L3MBTL4: variants seen among roughly 807,000 people sequenced by gnomAD.
L3MBTL4 encodes the protein L3MBTL histone methyl-lysine binding protein 4.
Under a neutral mutation model 84.5 loss-of-function variants are expected in L3MBTL4, and 70 were observed. The observed-to-expected ratio is 0.83, with a 90% confidence interval of 0.68 to 1.01. L3MBTL4 has a LOEUF of 1.01. L3MBTL4 is among the 50% of genes least tolerant of loss of function. The probability of loss-of-function intolerance (pLI) is 0.00; values close to 1 mark genes in which losing one functional copy is unlikely to be tolerated. For missense variants in L3MBTL4, 715 were observed against 754.8 expected (o/e 0.95, Z 0.62); for synonymous variants, 274 against 259.8 (o/e 1.05, Z -0.52).
At chr18:6,040,486 C>A (rs1444404816) in intron 16 of L3MBTL4, among the ~76,000 whole-genome samples, 1 of 152,184 alleles carries the variant, frequency 6.6e-6, no homozygotes, top group African/African-American at 2.4e-5. Flanking sequence ...GAACCAAAAA[C>A]TTTACTAATT....
chr18:6,156,233 C>T (rs560614545), intron 13 of L3MBTL4, among the ~76,000 whole-genome samples: 2 of 152,316 alleles, frequency 1.3e-5, no homozygotes, highest in South Asian at 2.1e-4. Flanking sequence ...GGCACTACCA[C>T]GCCATGAGTG....
intron 13 of L3MBTL4, among the ~76,000 whole-genome samples, chr18:6,169,395 C>G (rs938799294): frequency 3.0e-4 from 45 of 152,120 alleles, no homozygotes; most frequent in Non-Finnish European, 1.0e-4. Flanking sequence ...TTTATTGCGG[C>G]ACTATTCACA....
At chr18:6,232,376 T>C (rs1225837211) in intron 10 of L3MBTL4, among the ~76,000 whole-genome samples, 1 of 152,114 alleles carries the variant, frequency 6.6e-6, no homozygotes, top group Non-Finnish European at 1.5e-5. Context: ...GGCTTTGGTA[T>C]TATGGTAATT....
chr18:6,310,066 A>G (rs770686086), intron 3 of L3MBTL4, among the ~76,000 whole-genome samples: 1 of 152,194 alleles, frequency 6.6e-6, no homozygotes, highest in Non-Finnish European at 1.5e-5. Flanking sequence ...TGCATTTCTA[A>G]CAAACCTCCA....
rs544529942 is a variant in L3MBTL4, at chr18:6,303,970, C to T, written c.73-2013G>A. ...CGGAGGTTGCAGCGAGCTGAGATCA[C>T]GCCGTTGCACTCCAGCGTGGGCAAC... is the stretch of plus-strand genomic sequence containing the variant. On this transcript the variant is annotated intron_variant, in intron 3 of 18. Coordinates refer to ENST00000317931, the MANE Select transcript of L3MBTL4 (RefSeq NM_001330559.2). Among the ~76,000 whole-genome samples the T allele has an allele frequency of 4.4e-4, 65 of 149,012 alleles. No homozygotes were observed. The South Asian group carries it at 9.6e-3, about 22-fold the overall frequency.
At chr18:6,017,797 A>T (rs2055065191) in intron 16 of L3MBTL4, 1 of 152,254 alleles carries the variant, frequency 6.6e-6, no homozygotes, top group Non-Finnish European at 1.5e-5. Context: ...AATCTTTAGT[A>T]AAAGGTGAAA....
chr18:6,120,057 T>C (rs1163110239), intron 14 of L3MBTL4, among the ~76,000 whole-genome samples: 3 of 152,224 alleles, frequency 2.0e-5, no homozygotes, highest in South Asian at 2.1e-4. Context: ...AAGCCCAAGC[T>C]GAGTCTTATG....
chr18:6,183,133 T>C (rs2044555577), intron 12 of L3MBTL4, among the ~76,000 whole-genome samples: 1 of 152,236 alleles, frequency 6.6e-6, no homozygotes, highest in African/African-American at 2.4e-5. Flanking sequence ...GCCAAATTTC[T>C]AATAGAATCC....
At chr18:6,036,742 C>A (rs1331964218) in intron 16 of L3MBTL4, among the ~76,000 whole-genome samples, 1 of 152,160 alleles carries the variant, frequency 6.6e-6, no homozygotes, top group Non-Finnish European at 1.5e-5. Context: ...AAATCAGATT[C>A]TTTCCCCAGA....
intron 4 of L3MBTL4, among the ~76,000 whole-genome samples, chr18:6,288,695 C>G (rs1352029893): frequency 6.6e-6 from 1 of 151,854 alleles, no homozygotes; most frequent in Non-Finnish European, 1.5e-5. Flanking sequence ...CTGGTATTAA[C>G]AGGATGTAAA....
chr18:6,346,103 A>AATATATATATAT (rs34294575), intron 1 of L3MBTL4, among the ~76,000 whole-genome samples: 75 of 129,802 alleles, frequency 5.8e-4, no homozygotes, highest in Middle Eastern at 3.9e-3. Context: ...ATGATGTTGG[A>AATATATATATAT]ATATATATAT....
chr18:6,291,596 G>A (rs2049867524), intron 4 of L3MBTL4, among the ~76,000 whole-genome samples: 1 of 152,116 alleles, frequency 6.6e-6, no homozygotes, highest in African/African-American at 2.4e-5. Flanking sequence ...CATACAATGG[G>A]GAAAGGACAT....
At chr18:5,994,177 C>T (rs1318840015) in intron 16 of L3MBTL4, among the ~76,000 whole-genome samples, 3 of 152,204 alleles carry the variant, frequency 2.0e-5, no homozygotes, top group South Asian at 2.1e-4. Flanking sequence ...CTAGGCACTG[C>T]GCAGTGAACC....
Position 6,414,735 on chromosome 18 carries a change from G to C in L3MBTL4, c.-91+66C>G, listed in dbSNP as rs1484200022. 6.6e-6 allele frequency: 1 copy of C among 151,832 alleles called. No homozygotes were observed. The highest frequency in any genetic ancestry group is 2.4e-5 in the African/African-American group (1 of 41,384). The allele number at this position is 151,832 out of a possible 1,614,324, so 9.4% of individuals were successfully genotyped here. A position where few individuals can be genotyped will look rare whatever the true frequency, so the allele number is the denominator to read the frequency against. Reference sequence around the variant, plus strand: ...GCCCGGGGATGGGGCCACCCCGCGCGGCGGCGGCCGTGGGCACCCACGCGG... The same window carrying C: ...GCCCGGGGATGGGGCCACCCCGCGCCGCGGCGGCCGTGGGCACCCACGCGG... On this transcript the variant is annotated intron_variant, in intron 1 of 18. Coordinates refer to ENST00000317931, the MANE Select transcript of L3MBTL4 (RefSeq NM_001330559.2). The surrounding 1 kb of genome is among the most constrained non-coding windows in gnomAD (Gnocchi z 5.4).
intron 4 of L3MBTL4, among the ~76,000 whole-genome samples, chr18:6,288,592 A>G (rs980450214): frequency 6.6e-6 from 1 of 152,188 alleles, no homozygotes; most frequent in African/African-American, 2.4e-5. Context: ...AATAAGATCA[A>G]TTTAATGTTA....
At chr18:6,250,415 G>A (rs1382349383) in intron 5 of L3MBTL4, among the ~76,000 whole-genome samples, 1 of 152,156 alleles carries the variant, frequency 6.6e-6, no homozygotes, top group Admixed American at 6.5e-5. Context: ...AGATCGAATA[G>A]ATGATGCTTT....
At chr18:6,399,996 A>T (rs543038402) in intron 1 of L3MBTL4, 6 of 151,140 alleles carry the variant, frequency 4.0e-5, no homozygotes, top group South Asian at 4.2e-4. Context: ...GGACATGTTT[A>T]AAAAAAAAGA....
At chr18:6,183,042 A>G (rs573140250) in intron 12 of L3MBTL4, among the ~76,000 whole-genome samples, 1 of 152,304 alleles carries the variant, frequency 6.6e-6, no homozygotes, top group African/African-American at 2.4e-5. Flanking sequence ...TTCTATTTCT[A>G]TGGTTACAGT....
At position 6,141,400 on chromosome 18, in the gene L3MBTL4, C is replaced by A. The variant is rs558774502; in HGVS notation, c.1097-3104G>T. Among the ~76,000 whole-genome samples, 8 of 152,294 alleles carry A rather than the reference C, an allele frequency of 5.3e-5. No homozygotes were observed. In the South Asian group the frequency reaches 1.0e-3, roughly 20 times the overall value. On this transcript the variant is annotated intron_variant, in intron 13 of 18. Transcript: ENST00000317931. ...AGATGCTCACAGTCTACAGCCCAGG[C>A]ATTCTTGAAGTTCCAGACCAATGTA...
Sources: gnomAD v4.1 joint callset for allele counts (sites outside exome capture counted in the v4.1 genomes callset) on GRCh38, gnomAD v4.1.1 for gene constraint, Gnocchi (gnomAD v3.1) non-coding constraint, MANE v1.5 for transcripts, NCBI Gene and HGNC (gene_info 2026-07-23, HGNC 2026-07-21) for gene names.